The following MACROD2 variants were observed in gnomAD, a reference collection of about 807,000 sequenced individuals.
MACROD2 encodes the protein mono-ADP ribosylhydrolase 2.
Under a neutral mutation model 70.4 loss-of-function variants are expected in MACROD2, and 36 were observed. The observed-to-expected ratio is 0.51, with a 90% CI of 0.39 to 0.68. The LOEUF (loss-of-function observed/expected upper bound fraction) is 0.68, where lower values mean the gene tolerates loss of function less well. Among genes scored for constraint, MACROD2 ranks in the 30% least tolerant of loss-of-function variants. The pLI, the probability that MACROD2 is intolerant of heterozygous loss-of-function variation, is 0.00. For synonymous variants in MACROD2, 172 were observed against 178.8 expected, an observed-to-expected ratio of 0.96 and a Z score of 0.30; for missense variants, 496 against 538.4, an observed-to-expected ratio of 0.92 and a Z score of 0.78.
chr20:15,898,785 C>T (rs929140212), intron 10 of MACROD2, among the ~76,000 whole-genome samples: 4 of 151,860 alleles, frequency 2.6e-5, no homozygotes, highest in African/African-American at 9.7e-5. Flanking sequence ...TTTATCATTT[C>T]GGTTTCAAGA....
chr20:15,574,410 A>C (rs972198049), intron 8 of MACROD2, among the ~76,000 whole-genome samples: 1 of 152,094 alleles, frequency 6.6e-6, no homozygotes, highest in Non-Finnish European at 1.5e-5. Context: ...GGTTATATTT[A>C]GTTGGCTTTT....
At chr20:15,750,550 G>A (rs530962654) in intron 8 of MACROD2, among the ~76,000 whole-genome samples, 52 of 143,292 alleles carry the variant, frequency 3.6e-4, no homozygotes, top group African/African-American at 1.4e-3. Flanking sequence ...TAGCTACACA[G>A]GAGGTTCCTC....
intron 6 of MACROD2, among the ~76,000 whole-genome samples, chr20:15,403,703 G>A (rs6043257): frequency 0.04 from 6,074 of 152,198 alleles, 373 homozygotes; most frequent in African/African-American, 0.14. Flanking sequence ...AATATGAGCA[G>A]TTGCCCTGAT....
At chr20:14,631,808 C>T (rs938976711) in intron 4 of MACROD2, 3 of 152,080 alleles carry the variant, frequency 2.0e-5, no homozygotes, top group African/African-American at 4.8e-5. Flanking sequence ...CCAATTATAT[C>T]TTTAAATTTG....
intron 3 of MACROD2, among the ~76,000 whole-genome samples, chr20:14,229,384 A>C (rs1032721702): frequency 2.0e-5 from 3 of 152,252 alleles, no homozygotes; most frequent in African/African-American, 7.2e-5. Flanking sequence ...AACAATAAGA[A>C]AACAACTCAA....
At chr20:15,968,896 A>G (rs1378809154) in intron 13 of MACROD2, among the ~76,000 whole-genome samples, 1 of 149,588 alleles carries the variant, frequency 6.7e-6, no homozygotes, top group Admixed American at 6.7e-5. Flanking sequence ...CAGTGAGCTA[A>G]TAAGATACTG....
intron 5 of MACROD2, among the ~76,000 whole-genome samples, chr20:15,169,394 G>T (rs2076407585): frequency 6.6e-6 from 1 of 152,168 alleles, no homozygotes; most frequent in African/African-American, 2.4e-5. Flanking sequence ...ATAAGCTGGA[G>T]ATTTTCAGTT....
chr20:14,867,635 G>C (rs2073442669), intron 5 of MACROD2, among the ~76,000 whole-genome samples: 1 of 152,008 alleles, frequency 6.6e-6, no homozygotes, highest in African/African-American at 2.4e-5. Flanking sequence ...TTCATTTCTT[G>C]TTACTTCCAG....
At chr20:14,344,488 G>T (rs533990125) in intron 3 of MACROD2, among the ~76,000 whole-genome samples, 115 of 152,194 alleles carry the variant, frequency 7.6e-4, no homozygotes, top group Middle Eastern at 3.4e-3. Context: ...TTCTGTAAAT[G>T]ATTAACCTCA....
At chr20:15,152,217 A>T (rs1452047817) in intron 5 of MACROD2, among the ~76,000 whole-genome samples, 1 of 151,990 alleles carries the variant, frequency 6.6e-6, no homozygotes, top group East Asian at 1.9e-4. Context: ...GCAGGAGAAA[A>T]TAAGATGCTT....
chr20:15,927,820 A>G (rs1335357961), intron 10 of MACROD2, among the ~76,000 whole-genome samples: 1 of 152,214 alleles, frequency 6.6e-6, no homozygotes, highest in African/African-American at 2.4e-5. Context: ...TGGAACTAAC[A>G]TTCCCTCCCT....
intron 5 of MACROD2, among the ~76,000 whole-genome samples, chr20:14,816,591 A>G (rs2072776525): frequency 6.6e-6 from 1 of 151,978 alleles, no homozygotes; most frequent in Admixed American, 6.6e-5. Context: ...CATATTTTTT[A>G]TTTATATGTG....
rs372763549 is a variant in MACROD2, at chr20:15,871,005, G to A, written c.727+8179G>A. Among the ~76,000 whole-genome samples, 394 of 151,662 alleles carry A rather than the reference G, an allele frequency of 2.6e-3. 2 individuals are homozygous for A. The highest frequency in any genetic ancestry group is 8.8e-3 in the African/African-American group (366 of 41,382). ...CAGCCTGGCAATATGGTGAAACCCC[G>A]TCTCTACTAAAAATACAAAAATTGG... On this transcript the variant is annotated intron_variant, in intron 9 of 17. Coordinates refer to ENST00000684519, the MANE Select transcript of MACROD2 (RefSeq NM_001351661.2).
intron 3 of MACROD2, among the ~76,000 whole-genome samples, chr20:14,291,937 C>T (rs1410312144): frequency 2.6e-5 from 4 of 151,810 alleles, no homozygotes; most frequent in African/African-American, 9.7e-5. Flanking sequence ...TCAAGAGAGT[C>T]CTGTAAGACA....
chr20:15,907,462 G>A (rs112285620), intron 10 of MACROD2, among the ~76,000 whole-genome samples: 114 of 152,134 alleles, frequency 7.5e-4, no homozygotes, highest in Admixed American at 1.9e-3. Context: ...TGGTGTTTAG[G>A]GTTTCTAAAA....
At chr20:15,777,510 TTTCC>T (rs746262814) in intron 8 of MACROD2, among the ~76,000 whole-genome samples, 1,735 of 83,066 alleles carry the variant, frequency 0.021, 19 homozygotes, top group East Asian at 0.05. Context: ...TCCTTCCTTC[TTTCC>T]TTCCTTCCTT....
intron 3 of MACROD2, among the ~76,000 whole-genome samples, chr20:14,201,369 A>T (rs2081478159): frequency 6.6e-6 from 1 of 152,222 alleles, no homozygotes; most frequent in African/African-American, 2.4e-5. Flanking sequence ...TTTATCAATA[A>T]ATTATAGTTA....
At chr20:14,372,080 A>C (rs57235020) in intron 3 of MACROD2, among the ~76,000 whole-genome samples, 2,654 of 152,050 alleles carry the variant, frequency 0.017, 75 homozygotes, top group African/African-American at 0.061. Context: ...ACCTTGCCTG[A>C]TTTTGCTTAT....
chr20:15,188,305 C>G (rs1284562914), intron 5 of MACROD2, among the ~76,000 whole-genome samples: 1 of 152,110 alleles, frequency 6.6e-6, no homozygotes, highest in African/African-American at 2.4e-5. Flanking sequence ...AAAGAAGTAG[C>G]AGATCAAAAT....
Sources: allele counts gnomAD v4.1 joint callset (sites outside exome capture counted in the v4.1 genomes callset), GRCh38; gene constraint gnomAD v4.1.1; transcripts MANE v1.5; gene names NCBI Gene and HGNC (gene_info 2026-07-23, HGNC 2026-07-21).